The following UQCRC2 variants were observed in gnomAD, a reference collection of about 807,000 sequenced individuals.
The protein encoded by UQCRC2 is ubiquinol-cytochrome c reductase core protein 2, also known as cytochrome b-c1 complex subunit 2, mitochondrial.
Under a neutral mutation model 55.6 loss-of-function variants are expected in UQCRC2, and 49 were observed. That is an observed-to-expected ratio of 0.88 (90% confidence interval 0.70 to 1.12). UQCRC2 has a LOEUF of 1.12. Among genes scored for constraint, UQCRC2 ranks in the 50% most tolerant of loss-of-function variants. UQCRC2 has a pLI of 0.00. For synonymous variants in UQCRC2, 193 were observed against 192.0 expected, an observed-to-expected ratio of 1.01 and a Z score of -0.04; for missense variants, 506 against 547.8, an observed-to-expected ratio of 0.92 and a Z score of 0.76.
At chr16:21,961,117 T>A (rs1241415717) in intron 4 of UQCRC2, among the ~76,000 whole-genome samples, 1 of 152,324 alleles carries the variant, frequency 6.6e-6, no homozygotes, top group East Asian at 1.9e-4. Context: ...TGTGAGCCAC[T>A]GCACCCAGCC....
At chr16:21,980,781 C>A (rs921251813) in intron 13 of UQCRC2, 81 bp downstream of exon 13, 4 of 1,523,138 alleles carry the variant, frequency 2.6e-6, no homozygotes, top group African/African-American at 1.4e-5. Context: ...CATAAGCGTC[C>A]TTGGGCAGTG....
At chr16:21,958,647 C>T (rs755552579) in intron 4 of UQCRC2, 48 bp downstream of exon 4, 1 of 1,531,826 alleles carries the variant, frequency 6.5e-7, no homozygotes, top group South Asian at 1.2e-5. Context: ...AGAAAATATT[C>T]AATTTTAAGG....
At chr16:21,963,959 G>C (rs1293412713) in intron 6 of UQCRC2, among the ~76,000 whole-genome samples, 2 of 151,976 alleles carry the variant, frequency 1.3e-5, no homozygotes, top group African/African-American at 2.4e-5. Context: ...TTTATATAAT[G>C]TCTAATTATA....
At chr16:21,979,738 A>G (rs1174949589) in intron 12 of UQCRC2, among the ~76,000 whole-genome samples, 1 of 152,180 alleles carries the variant, frequency 6.6e-6, no homozygotes, top group African/African-American at 2.4e-5. Flanking sequence ...AACACTGTAA[A>G]CATAGGCTAC....
At position 21,957,325 on chromosome 16, in the gene UQCRC2, C is replaced by G. The variant is rs376185764; in HGVS notation, c.117+7C>G. ...ACAACCTCAGGACCTTGAGGTTAGT[C>G]CCACTAACTTGCTCGCTGGAAGCTA... is the stretch of plus-strand genomic sequence containing the variant. On this transcript the variant is annotated splice_region_variant and intron_variant, in intron 2 of 13. Coordinates refer to ENST00000268379, the MANE Select transcript of UQCRC2 (RefSeq NM_003366.4). The G allele has an allele frequency of 6.2e-7, 1 of 1,613,980 alleles. No homozygotes were observed. Among genetic ancestry groups the G allele is most frequent in the East Asian group, 2.2e-5 (1 of 44,870 alleles).
At chr16:21,957,944 C>T (rs1310197685) in intron 3 of UQCRC2, among the ~76,000 whole-genome samples, 1 of 152,188 alleles carries the variant, frequency 6.6e-6, no homozygotes, top group Non-Finnish European at 1.5e-5. Flanking sequence ...TGTCTGTGTC[C>T]ACATTTCCTC....
chr16:21,965,197 C>A (rs1455529508), intron 6 of UQCRC2, among the ~76,000 whole-genome samples: 1 of 152,200 alleles, frequency 6.6e-6, no homozygotes, highest in Non-Finnish European at 1.5e-5. Context: ...GAAGCTGCTG[C>A]CATGTAATCT....
rs190560044 is a variant in UQCRC2 at position 21,976,061 on chromosome 16, G to A, written c.1048-106G>A. 86 of 711,868 alleles carry A rather than the reference G, an allele frequency of 1.2e-4. No homozygotes were observed. The East Asian group carries it at 2.2e-3, about 18-fold the overall frequency. 44.1% of individuals were successfully genotyped at this position (711,868 alleles called of 1,614,324 possible). A position where few individuals can be genotyped will look rare whatever the true frequency, so the allele number is the denominator to read the frequency against. ...CGCATGGACACTGTGCTGTTTGTCTGGAACTAACCTTCCATCTGTGTTTTT... is the reference window on the plus strand; with the variant it reads ...CGCATGGACACTGTGCTGTTTGTCTAGAACTAACCTTCCATCTGTGTTTTT... On this transcript the variant is annotated intron_variant, in intron 11 of 13. Transcript: ENST00000268379.
At chr16:21,971,422 T>C in intron 8 of UQCRC2, 103 bp from the exon 9 acceptor site, 1 of 905,392 alleles carries the variant, frequency 1.1e-6, no homozygotes, top group South Asian at 1.7e-5. Context: ...TATTTTGTAG[T>C]GTTAGGATTT....
At chr16:21,962,131 A>G (rs1898219213) in intron 4 of UQCRC2, 1 of 229,318 alleles carries the variant, frequency 4.4e-6, no homozygotes, top group African/African-American at 2.3e-5. Flanking sequence ...AGTCTCTACA[A>G]ATTTGACTAC....
chr16:21,957,162 C>A, intron 1 of UQCRC2, 73 bp from the exon 2 acceptor site: 2 of 1,485,140 alleles, frequency 1.3e-6, no homozygotes, highest in East Asian at 2.4e-5. Flanking sequence ...CTTGGGTACC[C>A]TAAGATACCA....
Position 21,980,594 on chromosome 16 carries a change from G to A in UQCRC2, c.1172G>A (p.Cys391Tyr), listed in dbSNP as rs767521883. ...GYLMSVESSE[C>Y]FLEEVGSQAL... is the part of the protein sequence containing the mutation. ...CTAATGTCAGTGGAGTCTTCTGAGT[G>A]TTTCCTGGAAGAAGTCGGGTCCCAG... is the stretch of plus-strand genomic sequence containing the variant. Residue 391 changes from cysteine to tyrosine, a missense_variant, in exon 13 of 14, where the codon TGT becomes TAT. By Grantham distance (194) the Cys-to-Tyr change is radical. Coordinates refer to ENST00000268379, the MANE Select transcript of UQCRC2 (RefSeq NM_003366.4). The A allele has an allele frequency of 2.5e-6, 4 of 1,614,178 alleles. No individual in the cohort carries two copies. The South Asian group carries it at 3.3e-5, about 13-fold the overall frequency.
At chr16:21,955,829 C>CTT (rs34469795) in intron 1 of UQCRC2, among the ~76,000 whole-genome samples, 2 of 149,504 alleles carry the variant, frequency 1.3e-5, no homozygotes, top group East Asian at 2.0e-4. Context: ...TTGTCTTTTT[C>CTT]TTTTTTTTTT....
At chr16:21,968,281 C>T (rs1898376120) in intron 7 of UQCRC2, among the ~76,000 whole-genome samples, 1 of 152,178 alleles carries the variant, frequency 6.6e-6, no homozygotes, top group Non-Finnish European at 1.5e-5. Context: ...GGATTACAGA[C>T]ATGAGCTACT....
intron 12 of UQCRC2, among the ~76,000 whole-genome samples, chr16:21,977,329 G>C (rs1898609684): frequency 6.6e-6 from 1 of 151,786 alleles, no homozygotes; most frequent in South Asian, 2.1e-4. Context: ...ACACTAGCCT[G>C]GGCAACAGAG....
chr16:21,954,641 T>C (rs1298214765), intron 1 of UQCRC2, among the ~76,000 whole-genome samples: 1 of 152,222 alleles, frequency 6.6e-6, no homozygotes, highest in African/African-American at 2.4e-5. Context: ...ATTTTAGCAC[T>C]TTATATAGGA....
intron 6 of UQCRC2, among the ~76,000 whole-genome samples, chr16:21,963,984 A>G (rs1898265304): frequency 1.3e-5 from 2 of 152,178 alleles, no homozygotes; most frequent in African/African-American, 4.8e-5. Context: ...CTTGACAAGT[A>G]CAACTGGTAA....
In UQCRC2 at chr16:21,963,074, C is replaced by T. The variant is rs535023665; in HGVS notation, c.514+189C>T. 1,243 of 572,954 alleles carry T rather than the reference C, an allele frequency of 2.2e-3. 39 individuals are homozygous for T. In the South Asian group the frequency reaches 0.033, roughly 15 times the overall value. 35.5% of individuals were successfully genotyped at this position (572,954 alleles called of 1,614,324 possible). On this transcript the variant is annotated intron_variant, in intron 6 of 13. Transcript: ENST00000268379. ...CACGATCTTGGCTCACTGCAACCTC[C>T]AGCTCCCGGGTTCAAGCAATTCTCC...
intron 11 of UQCRC2, 121 bp from the exon 12 acceptor site, chr16:21,976,046 C>T (rs1210445875): frequency 2.8e-5 from 18 of 641,080 alleles, no homozygotes; most frequent in Non-Finnish European, 4.8e-5. Context: ...CGCATGGACA[C>T]TGTGCTGTTT....
Sources: allele counts gnomAD v4.1 joint callset (sites outside exome capture counted in the v4.1 genomes callset), GRCh38; gene constraint gnomAD v4.1.1; transcripts MANE v1.5; gene names NCBI Gene and HGNC (gene_info 2026-07-23, HGNC 2026-07-21).